The following GRIK1 variants were observed in gnomAD, a reference collection of about 807,000 sequenced individuals.
The protein encoded by GRIK1 is glutamate ionotropic receptor kainate type subunit 1.
A neutral mutation model predicts 105.7 loss-of-function variants in GRIK1; 69 were observed. The observed-to-expected ratio is 0.65, with a 90% CI of 0.54 to 0.80. The LOEUF is 0.80. Among genes scored for constraint, GRIK1 ranks in the 30% least tolerant of loss-of-function variants. GRIK1 has a pLI of 0.00. For missense variants in GRIK1, 1,109 were observed against 1,167.3 expected, an observed-to-expected ratio of 0.95 and a Z score of 0.73; for synonymous variants, 438 against 431.3, an observed-to-expected ratio of 1.02 and a Z score of -0.19.
chr21:29,791,083 C>G (rs458470), intron 1 of GRIK1, among the ~76,000 whole-genome samples: 122,303 of 152,022 alleles, frequency 0.8, 50,051 homozygotes, highest in Non-Finnish European at 0.88. Flanking sequence ...AGTTGGGCAT[C>G]ATCCAGGAAC....
chr21:29,833,448 A>T (rs924868804), intron 1 of GRIK1, among the ~76,000 whole-genome samples: 1 of 152,208 alleles, frequency 6.6e-6, no homozygotes, highest in African/African-American at 2.4e-5. Flanking sequence ...TATAAAGAAA[A>T]GAGGTTTAAC....
intron 1 of GRIK1, among the ~76,000 whole-genome samples, chr21:29,737,723 C>T (rs1266489239): frequency 6.6e-6 from 1 of 152,240 alleles, no homozygotes; most frequent in Non-Finnish European, 1.5e-5. Flanking sequence ...CATTTCATGG[C>T]AGGTGCCAAG....
At chr21:29,889,241 G>A (rs991586568) in intron 1 of GRIK1, among the ~76,000 whole-genome samples, 1 of 152,104 alleles carries the variant, frequency 6.6e-6, no homozygotes, top group Non-Finnish European at 1.5e-5. Flanking sequence ...AATACAATGA[G>A]AGTAATATAT....
intron 1 of GRIK1, among the ~76,000 whole-genome samples, chr21:29,892,948 TGGA>T (rs2069957516): frequency 1.3e-5 from 2 of 152,112 alleles, no homozygotes; most frequent in Non-Finnish European, 2.9e-5. Context: ...CTTAGGCGGG[TGGA>T]TCACCCGAGG....
chr21:29,822,495 T>G (rs1341766225), intron 1 of GRIK1, among the ~76,000 whole-genome samples: 1 of 152,054 alleles, frequency 6.6e-6, no homozygotes, highest in African/African-American at 2.4e-5. Context: ...TTAGATGGAC[T>G]TATGACTGCT....
intron 1 of GRIK1, among the ~76,000 whole-genome samples, chr21:29,732,303 G>A (rs2064652293): frequency 6.6e-6 from 1 of 152,130 alleles, no homozygotes; most frequent in South Asian, 2.1e-4. Flanking sequence ...AAACATAGGG[G>A]CTGAAGGCAA....
At chr21:29,583,133 C>A (rs776997262) in intron 12 of GRIK1, among the ~76,000 whole-genome samples, 14 of 152,308 alleles carry the variant, frequency 9.2e-5, no homozygotes, top group Non-Finnish European at 1.3e-4. Context: ...CTCATTACTG[C>A]AGCTTCTCCA....
intron 1 of GRIK1, among the ~76,000 whole-genome samples, chr21:29,877,253 T>G (rs1016525171): frequency 1.3e-5 from 2 of 152,162 alleles, no homozygotes; most frequent in African/African-American, 2.4e-5. Flanking sequence ...CAAGGAATAG[T>G]GTAGAGATGT....
rs2832405 is a variant in GRIK1, at chr21:29,591,425, T to C, written c.1252-200A>G. Among the ~76,000 whole-genome samples, 38,379 of 152,056 alleles carry C rather than the reference T, an allele frequency of 0.25. 6,179 individuals are homozygous for C. The highest frequency in any genetic ancestry group is 0.44 in the African/African-American group (18,236 of 41,406). ...GACAAAATAGGATATATCTGTGCTA[T>C]TGGGGGCAGGGTAGGTGGAGGTCTT... On this transcript the variant is annotated intron_variant, in intron 9 of 17. Transcript: ENST00000327783.
chr21:29,763,291 T>C (rs2065574640), intron 1 of GRIK1, among the ~76,000 whole-genome samples: 1 of 152,238 alleles, frequency 6.6e-6, no homozygotes, highest in African/African-American at 2.4e-5. Flanking sequence ...GCTTCCCCTT[T>C]GCCTTCTGCC....
chr21:29,861,143 T>G (rs2068623191), intron 1 of GRIK1, among the ~76,000 whole-genome samples: 1 of 151,762 alleles, frequency 6.6e-6, no homozygotes, highest in South Asian at 2.1e-4. Flanking sequence ...TCTTCCAATC[T>G]CCCGGTTGTC....
chr21:29,541,573 G>GTTTTTTTTTTTTTTTTTTTTTTTTTTT lies in GRIK1; in HGVS notation c.2608-3690_2608-3689insAAAAAAAAAAAAAAAAAAAAAAAAAAA, dbSNP rs1202014711. On this transcript the variant is annotated intron_variant, in intron 16 of 17. Transcript: ENST00000327783. ...CTCTATGCCATTCATTGCACTCACG[G>GTTTTTTTTTTTTTTTTTTTTTTTTTTT]TCTTTTTTTTTTTTTTTTTTTTTGT... 2.0e-4 allele frequency among the ~76,000 whole-genome samples: 17 copies of GTTTTTTTTTTTTTTTTTTTTTTTTTTT among 83,710 alleles called. 1 individual carries two copies. Among genetic ancestry groups the GTTTTTTTTTTTTTTTTTTTTTTTTTTT allele is most frequent in the African/African-American group, 1.2e-3 (17 of 13,730 alleles). 54.9% of individuals were successfully genotyped at this position (83,710 alleles called of 152,430 possible).
At chr21:29,864,081 G>A (rs761447710) in intron 1 of GRIK1, among the ~76,000 whole-genome samples, 5 of 151,602 alleles carry the variant, frequency 3.3e-5, no homozygotes, top group Non-Finnish European at 7.4e-5. Context: ...CCTCATTCCA[G>A]TGAAGTATAT....
At chr21:29,632,512 TAC>T (rs5843396) in intron 7 of GRIK1, among the ~76,000 whole-genome samples, 34,104 of 149,540 alleles carry the variant, frequency 0.23, 5,919 homozygotes, top group African/African-American at 0.5. Context: ...CAGACACAAA[TAC>T]ACACACACAC....
Position 29,572,907 on chromosome 21 carries a change from A to G in GRIK1, c.2130+4057T>C, listed in dbSNP as rs376713088. On this transcript the variant is annotated intron_variant, in intron 14 of 17. Coordinates refer to ENST00000327783, the MANE Select transcript of GRIK1 (RefSeq NM_001330994.2). ...TGCCTCAGCCTCCCGAGTAGCTGGG[A>G]TTACAGGCATGTGCCACCACGCCGG... 3.4e-4 allele frequency among the ~76,000 whole-genome samples: 51 copies of G among 152,074 alleles called. 1 individual carries two copies. The South Asian group carries it at 0.01, about 30-fold the overall frequency.
intron 1 of GRIK1, among the ~76,000 whole-genome samples, chr21:29,866,054 CAA>C (rs1351486883): frequency 6.6e-6 from 1 of 151,860 alleles, no homozygotes; most frequent in Non-Finnish European, 1.5e-5. Flanking sequence ...TCATCAGTAC[CAA>C]AAGAGTTTTT....
chr21:29,723,381 A>G (rs185470317), intron 1 of GRIK1, among the ~76,000 whole-genome samples: 208 of 152,350 alleles, frequency 1.4e-3, no homozygotes, highest in Admixed American at 0.012. Flanking sequence ...CATTTTTATC[A>G]TTCAAGCTTT....
chr21:29,782,496 G>A (rs1014801082), intron 1 of GRIK1, among the ~76,000 whole-genome samples: 12 of 152,210 alleles, frequency 7.9e-5, no homozygotes, highest in African/African-American at 2.9e-4. Flanking sequence ...AGAAGGGCAA[G>A]GGGTGGTCAG....
At position 29,744,104 on chromosome 21, in the gene GRIK1, G is replaced by A. The variant is rs186681766; in HGVS notation, c.119-50041C>T. 2.5e-3 allele frequency among the ~76,000 whole-genome samples: 386 copies of A among 152,252 alleles called. 3 individuals are homozygous for A. The highest frequency in any genetic ancestry group is 8.8e-3 in the African/African-American group (365 of 41,544). On this transcript the variant is annotated intron_variant, in intron 1 of 17. Coordinates refer to ENST00000327783, the MANE Select transcript of GRIK1 (RefSeq NM_001330994.2). ...ATAGAAGTTAAAAAAATAGAAATTC[G>A]TGTACATAAGTTATAAGTTATAAAA...
Sources: gnomAD v4.1 joint callset for allele counts (sites outside exome capture counted in the v4.1 genomes callset) on GRCh38, gnomAD v4.1.1 for gene constraint, MANE v1.5 for transcripts, NCBI Gene and HGNC (gene_info 2026-07-23, HGNC 2026-07-21) for gene names.